Variants in KCNN2 observed in about 807,000 individuals in gnomAD.
KCNN2 encodes potassium calcium-activated channel subfamily N member 2.
KCNN2 carries 24 observed loss-of-function variants against 55.5 expected under a neutral mutation model. That is an observed-to-expected ratio of 0.43 (90% confidence interval 0.31 to 0.61). The LOEUF (loss-of-function observed/expected upper bound fraction) is 0.61, where lower values mean the gene tolerates loss of function less well. Ranked by LOEUF, KCNN2 falls within the 20% of genes least tolerant of loss-of-function variation. The pLI, the probability that KCNN2 is intolerant of heterozygous loss-of-function variation, is 0.08. For synonymous variants in KCNN2, 431 were observed against 336.1 expected (o/e 1.28, Z -3.09); for missense variants, 754 against 853.6 (o/e 0.88, Z 1.45).
At chr5:114,097,127 A>T (rs1272742857) in intron 1 of KCNN2, among the ~76,000 whole-genome samples, 1 of 152,196 alleles carries the variant, frequency 6.6e-6, no homozygotes, top group Non-Finnish European at 1.5e-5. Flanking sequence ...GACCTACTTG[A>T]ATGGTTAGAT....
chr5:114,108,270 A>G (rs1171900532), intron 1 of KCNN2, among the ~76,000 whole-genome samples: 1 of 151,700 alleles, frequency 6.6e-6, no homozygotes, highest in African/African-American at 2.4e-5. Context: ...TTATTAGATT[A>G]TTCATAGTTT....
intron 2 of KCNN2, among the ~76,000 whole-genome samples, chr5:114,373,967 T>A (rs1323673300): frequency 6.6e-6 from 1 of 151,994 alleles, no homozygotes; most frequent in Non-Finnish European, 1.5e-5. Context: ...TTTGTTTTTT[T>A]AAACAGATTT....
At chr5:114,056,044 A>G (rs1750198159), upstream of KCNN2, 4 of 258,116 alleles carry the variant, frequency 1.5e-5, no homozygotes, top group Admixed American at 5.5e-5. Flanking sequence ...CTGCCAGCCA[A>G]GGACTCAAGA....
chr5:114,386,038 C>G (rs1758272375), intron 2 of KCNN2, among the ~76,000 whole-genome samples: 1 of 151,484 alleles, frequency 6.6e-6, no homozygotes, highest in Non-Finnish European at 1.5e-5. Context: ...AAAAATTAGC[C>G]GGGCATGGTG....
intron 5 of KCNN2, among the ~76,000 whole-genome samples, chr5:114,479,406 A>T (rs1762121426): frequency 6.6e-6 from 1 of 152,220 alleles, no homozygotes; most frequent in South Asian, 2.1e-4. Flanking sequence ...ACCCAGATTC[A>T]TAAAGCAAGT....
chr5:114,279,446 C>T (rs1017505435), intron 2 of KCNN2, among the ~76,000 whole-genome samples: 4 of 152,058 alleles, frequency 2.6e-5, no homozygotes, highest in Admixed American at 6.6e-5. Flanking sequence ...GCTATCCCTC[C>T]CTGCTCCCCC....
At chr5:114,171,737 C>A (rs1034565837) in intron 1 of KCNN2, among the ~76,000 whole-genome samples, 2 of 150,408 alleles carry the variant, frequency 1.3e-5, no homozygotes, top group Non-Finnish European at 3.0e-5. Flanking sequence ...TGATGCCTAA[C>A]CCTAATTTTG....
chr5:114,158,083 C>G (rs1324615862), intron 1 of KCNN2, among the ~76,000 whole-genome samples: 1 of 152,178 alleles, frequency 6.6e-6, no homozygotes, highest in Non-Finnish European at 1.5e-5. Context: ...TTGCCCATGC[C>G]TATGGCCTGA....
chr5:114,493,201 ACTCT>A (rs1378499320), intron 6 of KCNN2, 198 bp from the exon 7 acceptor site: 3 of 659,754 alleles, frequency 4.5e-6, no homozygotes, highest in East Asian at 2.8e-5. Context: ...TCTTGCTCTC[ACTCT>A]CTCCTTTCTT....
At chr5:114,469,308 G>C (rs1025152991) in intron 4 of KCNN2, among the ~76,000 whole-genome samples, 2 of 152,098 alleles carry the variant, frequency 1.3e-5, no homozygotes, top group African/African-American at 4.8e-5. Context: ...CTGTTAGAAG[G>C]AAAGATGATA....
intron 3 of KCNN2, among the ~76,000 whole-genome samples, chr5:114,414,044 GA>G (rs1454056214): frequency 5.9e-5 from 9 of 152,126 alleles, no homozygotes; most frequent in Non-Finnish European, 1.0e-4. Context: ...ACATTTCTTA[GA>G]CATAAATAGG....
chr5:114,319,387 C>G (rs1474184456), intron 2 of KCNN2, among the ~76,000 whole-genome samples: 1 of 152,108 alleles, frequency 6.6e-6, no homozygotes, highest in Non-Finnish European at 1.5e-5. Flanking sequence ...CAGTTCATAC[C>G]CAGCCTTTGG....
chr5:114,397,314 G>A (rs375603169), intron 2 of KCNN2, among the ~76,000 whole-genome samples: 1 of 152,154 alleles, frequency 6.6e-6, no homozygotes, highest in South Asian at 2.1e-4. Flanking sequence ...TTTCCACAAT[G>A]GCTGAACTCA....
intron 3 of KCNN2, among the ~76,000 whole-genome samples, chr5:114,459,925 A>G (rs913397129): frequency 6.6e-6 from 1 of 152,018 alleles, no homozygotes; most frequent in African/African-American, 2.4e-5. Flanking sequence ...AAATTTGTCT[A>G]TCTAAGATTT....
chr5:114,300,297 T>C (rs896773538), intron 2 of KCNN2, among the ~76,000 whole-genome samples: 13 of 152,198 alleles, frequency 8.5e-5, no homozygotes, highest in African/African-American at 3.1e-4. Context: ...AGCATGGAAA[T>C]CAACTCTTTG....
At chr5:114,384,270 G>A (rs1289496599) in intron 2 of KCNN2, among the ~76,000 whole-genome samples, 1 of 152,150 alleles carries the variant, frequency 6.6e-6, no homozygotes, top group Non-Finnish European at 1.5e-5. Context: ...TTTACATTAT[G>A]TTACCTTCAA....
intron 2 of KCNN2, among the ~76,000 whole-genome samples, chr5:114,301,722 G>T (rs574326411): frequency 6.6e-6 from 1 of 152,250 alleles, no homozygotes; most frequent in Non-Finnish European, 1.5e-5. Context: ...TGGCTGAGGA[G>T]TTATTCAATA....
intron 1 of KCNN2, among the ~76,000 whole-genome samples, chr5:114,147,173 AAC>A (rs1752416307): frequency 6.6e-6 from 1 of 152,180 alleles, no homozygotes; most frequent in Non-Finnish European, 1.5e-5. Flanking sequence ...TAAAAATGGT[AAC>A]ACCTGCCTCT....
intron 2 of KCNN2, among the ~76,000 whole-genome samples, chr5:114,289,298 A>G (rs1755833871): frequency 6.6e-6 from 1 of 151,850 alleles, no homozygotes; most frequent in East Asian, 1.9e-4. Flanking sequence ...GTTCTTTTTC[A>G]AGATCATTTT....
Sources: gnomAD v4.1 joint callset for allele counts (sites outside exome capture counted in the v4.1 genomes callset) on GRCh38, gnomAD v4.1.1 for gene constraint, MANE v1.5 for transcripts, NCBI Gene and HGNC (gene_info 2026-07-23, HGNC 2026-07-21) for gene names.